The following ZNF215 variants were observed in gnomAD, a reference collection of about 807,000 sequenced individuals.
The protein encoded by ZNF215 is zinc finger protein 215.
Under a neutral mutation model 27.2 loss-of-function variants are expected in ZNF215, and 24 were observed. The observed-to-expected ratio is 0.88, with a 90% confidence interval of 0.64 to 1.24. The LOEUF is 1.24. ZNF215 is among the 50% of genes most tolerant of loss of function. ZNF215 has a pLI of 0.00. For missense variants in ZNF215, 675 were observed against 605.7 expected (o/e 1.11, Z -1.20); for synonymous variants, 210 against 204.0 (o/e 1.03, Z -0.25).
chr11:6,964,035 A>G (rs1850567752), intron 5 of ZNF215, among the ~76,000 whole-genome samples: 1 of 152,038 alleles, frequency 6.6e-6, no homozygotes, highest in African/African-American at 2.4e-5. Flanking sequence ...TAAGTATGTA[A>G]TAGTACCTCA....
At chr11:6,953,144 CTT>C (rs1564961296) in intron 6 of ZNF215, among the ~76,000 whole-genome samples, 2 of 152,112 alleles carry the variant, frequency 1.3e-5, no homozygotes, top group Non-Finnish European at 2.9e-5. Context: ...GTAACCCGAC[CTT>C]TCTCTCTGGC....
At chr11:6,966,569 C>A (rs1035961704) in intron 5 of ZNF215, among the ~76,000 whole-genome samples, 5 of 151,968 alleles carry the variant, frequency 3.3e-5, no homozygotes, top group African/African-American at 9.7e-5. Flanking sequence ...CAGAATTGTT[C>A]ACAATATTAC....
At position 6,927,787 on chromosome 11, in the gene ZNF215, C is replaced by T. The variant is rs1849109189; in HGVS notation, c.-200C>T. 1 of 152,232 alleles carries T rather than the reference C, an allele frequency of 6.6e-6. No individual in the cohort carries two copies. The highest frequency in any genetic ancestry group is 2.1e-4 in the South Asian group (1 of 4,824). 9.4% of individuals were successfully genotyped at this position (152,232 alleles called of 1,614,324 possible). A position where few individuals can be genotyped will look rare whatever the true frequency, so the allele number is the denominator to read the frequency against. On this transcript the variant is annotated 5_prime_UTR_variant, in exon 2 of 7. Transcript: ENST00000278319. The stretch of plus-strand genomic sequence containing the variant: ...GCCATCCTGAACGTCTCTCCCTGTC[C>T]TAGCTCTGTAACTGTTTACAGTGAG...
downstream of ZNF215, among the ~76,000 whole-genome samples, chr11:6,959,734 C>T (rs529301707): frequency 1.3e-3 from 200 of 152,188 alleles, no homozygotes; most frequent in Non-Finnish European, 2.0e-3. Context: ...GGATTTATTT[C>T]ACAAAGTGAT....
downstream of ZNF215, among the ~76,000 whole-genome samples, chr11:6,989,088 A>C (rs1590092512): frequency 7.1e-6 from 1 of 141,594 alleles, no homozygotes; most frequent in African/African-American, 2.6e-5. Flanking sequence ...GCTGGGAGGC[A>C]GAGGTTGCAG....
intron 2 of ZNF215, among the ~76,000 whole-genome samples, chr11:6,930,362 ATATT>A (rs904812042): frequency 6.6e-6 from 1 of 152,312 alleles, no homozygotes; most frequent in Admixed American, 6.5e-5. Flanking sequence ...ATATCTGTAA[ATATT>A]TATGTAACCA....
At chr11:6,964,566 C>A (rs1850579025) in intron 5 of ZNF215, among the ~76,000 whole-genome samples, 1 of 151,986 alleles carries the variant, frequency 6.6e-6, no homozygotes, top group African/African-American at 2.4e-5. Context: ...TTATGTCAGT[C>A]CATTTCTGGA....
intron 5 of ZNF215, among the ~76,000 whole-genome samples, chr11:6,968,278 G>T (rs1850661546): frequency 6.6e-6 from 1 of 152,028 alleles, no homozygotes; most frequent in Non-Finnish European, 1.5e-5. Flanking sequence ...GCTCTTTTGT[G>T]GTTCCATATG....
intron 6 of ZNF215, among the ~76,000 whole-genome samples, 158 bp from the exon 7 acceptor site, chr11:6,955,532 A>G (rs1850298375): frequency 2.6e-5 from 4 of 151,982 alleles, no homozygotes. Context: ...TTTTTGTACC[A>G]TTTATTTCTT....
In ZNF215 at chr11:6,932,647, T is replaced by C. The variant is rs146152344; in HGVS notation, c.375T>C (p.Asp125=). The change falls in exon 3 of 7, where the codon GAT becomes GAC. Residue 125 remains aspartate (D), a synonymous_variant. Transcript: ENST00000278319. ...AAGATATGGTGACCCTCATAGAAGA[T>C]GTGATTGAAATGCTTGAAGATGAAG... ...NSKDMVTLIE[D]VIEMLEDEDM... is the part of the protein sequence containing the mutation. 5.2e-5 allele frequency: 84 copies of C among 1,611,062 alleles called. 2 individuals carry two copies. The African/African-American group carries it at 8.1e-4, about 16-fold the overall frequency.
chr11:6,926,711 G>T (rs1849054091), intron 1 of ZNF215, 26 bp downstream of exon 1: 2 of 152,338 alleles, frequency 1.3e-5, no homozygotes, highest in Non-Finnish European at 2.9e-5. Context: ...GGCCACTGGA[G>T]AGGAGCGGTG....
intron 6 of ZNF215, 65 bp downstream of exon 6, chr11:6,943,706 T>C: frequency 8.1e-7 from 1 of 1,234,950 alleles, no homozygotes; most frequent in Non-Finnish European, 1.2e-6. Flanking sequence ...ACAGACAATG[T>C]GCAACCCAAT....
In ZNF215 at chr11:6,958,029, T is replaced by G. The variant is rs1826497831; in HGVS notation, c.*1498T>G. 1 of 985,300 alleles carries G rather than the reference T, an allele frequency of 1.0e-6. No homozygotes were observed. Among genetic ancestry groups the G allele is most frequent in the Non-Finnish European group, 1.2e-6 (1 of 829,936 alleles). The allele number at this position is 985,300 out of a possible 1,614,324, so 61.0% of individuals were successfully genotyped here. On this transcript the variant is annotated 3_prime_UTR_variant, in exon 7 of 7. Transcript: ENST00000278319. ...GTATACTGGAGTGAACTCCTATGAT[T>G]AAATAATGTCAAAATCTATGTTTGT...
intron 3 of ZNF215, among the ~76,000 whole-genome samples, chr11:6,934,785 C>T (rs913345607): frequency 3.9e-5 from 6 of 152,152 alleles, no homozygotes; most frequent in Non-Finnish European, 8.8e-5. Context: ...TCTGCAGAGT[C>T]TCTCTTGCTA....
At chr11:6,954,780 A>C (rs1590070129) in intron 6 of ZNF215, among the ~76,000 whole-genome samples, 1 of 152,184 alleles carries the variant, frequency 6.6e-6, no homozygotes, top group Non-Finnish European at 1.5e-5. Context: ...TAGTGAGGTG[A>C]ACCCAGTACC....
intron 6 of ZNF215, among the ~76,000 whole-genome samples, chr11:6,948,547 A>C (rs1849913997): frequency 6.6e-6 from 1 of 152,168 alleles, no homozygotes; most frequent in East Asian, 1.9e-4. Context: ...TTCAATATGG[A>C]AGATGACTTC....
rs776291269 is a variant in ZNF215, at chr11:6,932,321, T to A, written c.49T>A (p.Ser17Thr). 1 of 1,614,102 alleles carries A rather than the reference T, an allele frequency of 6.2e-7. No homozygotes were observed. Among genetic ancestry groups the A allele is most frequent in the Non-Finnish European group, 8.5e-7 (1 of 1,180,026 alleles). ...GGCTATCTCAAAACCTCGAAACCTGTCTCTACGTGAACAAAGAGAGGTTCT... is the reference window on the plus strand; with the variant it reads ...GGCTATCTCAAAACCTCGAAACCTGACTCTACGTGAACAAAGAGAGGTTCT... ...LMAISKPRNL[S>T]LREQREVLRA... The change falls in exon 3 of 7, where the codon TCT becomes ACT. Residue 17 changes from serine to threonine, a missense_variant. Physicochemically the swap from Ser to Thr is moderately conservative, Grantham distance 58 (BLOSUM62 1). Transcript: ENST00000278319.
rs144501040 is a variant in ZNF215, at chr11:6,928,017, C to T, written c.-180+210C>T. ...TGTTTTTAGATACTTTGCAGTTGTC[C>T]TTTTGATTCTCTTTTATCTTTTTTT... On this transcript the variant is annotated intron_variant, in intron 2 of 6. Transcript: ENST00000278319. Among the ~76,000 whole-genome samples, 451 of 152,142 alleles carry T rather than the reference C, an allele frequency of 3.0e-3. 2 individuals are homozygous for T. The highest frequency in any genetic ancestry group is 0.01 in the African/African-American group (428 of 41,516).
chr11:6,963,539 G>C (rs1850559409), intron 5 of ZNF215, among the ~76,000 whole-genome samples: 2 of 151,926 alleles, frequency 1.3e-5, no homozygotes, highest in Admixed American at 6.6e-5. Context: ...TCATTCACCA[G>C]TTGAAAGACA....
Sources: allele counts gnomAD v4.1 joint callset (sites outside exome capture counted in the v4.1 genomes callset), GRCh38; gene constraint gnomAD v4.1.1; transcripts MANE v1.5; gene names NCBI Gene and HGNC (gene_info 2026-07-23, HGNC 2026-07-21).